Variants in SLCO3A1 observed in about 807,000 individuals in gnomAD.
SLCO3A1 encodes PGE1 transporter.
Under a neutral mutation model 63.1 loss-of-function variants are expected in SLCO3A1, and 27 were observed. That is an observed-to-expected ratio of 0.43 (90% CI 0.32 to 0.59). The LOEUF is 0.59. Ranked by LOEUF, SLCO3A1 falls within the 20% of genes least tolerant of loss-of-function variation. The pLI is 0.09. For synonymous variants in SLCO3A1, 473 were observed against 409.9 expected, an observed-to-expected ratio of 1.15 and a Z score of -1.86; for missense variants, 773 against 945.8, an observed-to-expected ratio of 0.82 and a Z score of 2.40.
At chr15:92,094,384 G>C (rs995943354) in intron 2 of SLCO3A1, among the ~76,000 whole-genome samples, 1 of 152,116 alleles carries the variant, frequency 6.6e-6, no homozygotes, top group Non-Finnish European at 1.5e-5. Context: ...GCTGAATTTC[G>C]GAGTCTTGAA....
rs976878470 is a variant in SLCO3A1, at chr15:91,950,263, T to A, written c.646+33805T>A. 6.6e-6 allele frequency among the ~76,000 whole-genome samples: 1 copy of A among 152,020 alleles called. No homozygotes were observed. The highest frequency in any genetic ancestry group is 1.5e-5 in the Non-Finnish European group (1 of 67,978). On this transcript the variant is annotated intron_variant, in intron 2 of 9. Coordinates refer to ENST00000318445, the MANE Select transcript of SLCO3A1 (RefSeq NM_013272.4). The surrounding 1 kb of genome is among the most constrained non-coding windows in gnomAD (Gnocchi z 4.4). ...CTGTGGCCAGAGATTCGGGTGTGTG[T>A]ATTGTGGAGGGGATTGCAGGGGGCT...
At chr15:92,123,162 C>G (rs2047883312) in intron 5 of SLCO3A1, among the ~76,000 whole-genome samples, 1 of 152,168 alleles carries the variant, frequency 6.6e-6, no homozygotes, top group Non-Finnish European at 1.5e-5. Context: ...TGGTGGCTCA[C>G]ACCTGTAATC....
At chr15:92,064,694 A>G (rs1408000094) in intron 2 of SLCO3A1, among the ~76,000 whole-genome samples, 2 of 151,708 alleles carry the variant, frequency 1.3e-5, no homozygotes, top group Non-Finnish European at 3.0e-5. Flanking sequence ...TTATTCAGCC[A>G]AAAAAAGGAA....
chr15:92,092,928 G>A (rs991571609), intron 2 of SLCO3A1, among the ~76,000 whole-genome samples: 22 of 152,146 alleles, frequency 1.4e-4, no homozygotes, highest in African/African-American at 5.3e-4. Flanking sequence ...TTTCTGGTTG[G>A]CCATGGAGTG....
At chr15:91,864,309 C>T (rs2141843852) in intron 1 of SLCO3A1, among the ~76,000 whole-genome samples, 1 of 152,220 alleles carries the variant, frequency 6.6e-6, no homozygotes, top group African/African-American at 2.4e-5. Flanking sequence ...AATGTGCAGC[C>T]CCACCCTCCG....
intron 2 of SLCO3A1, among the ~76,000 whole-genome samples, chr15:92,002,790 CTTAA>C (rs1451749017): frequency 6.6e-6 from 1 of 152,138 alleles, no homozygotes; most frequent in African/African-American, 2.4e-5. Context: ...ATTAAATAAA[CTTAA>C]TTAAAACATC....
At chr15:92,012,560 G>A (rs1165964807) in intron 2 of SLCO3A1, among the ~76,000 whole-genome samples, 2 of 152,062 alleles carry the variant, frequency 1.3e-5, no homozygotes, top group Non-Finnish European at 2.9e-5. Flanking sequence ...TCTAGAAATT[G>A]TTTTCCTTGG....
At chr15:92,149,040 A>G (rs1012921076) in intron 8 of SLCO3A1, 2 of 152,266 alleles carry the variant, frequency 1.3e-5, no homozygotes, top group African/African-American at 4.8e-5. Flanking sequence ...TGTGATATTC[A>G]TACACTAAAG....
chr15:92,107,526 A>T (rs1241804871), intron 4 of SLCO3A1, among the ~76,000 whole-genome samples: 2 of 152,222 alleles, frequency 1.3e-5, no homozygotes. Context: ...TGCTATATAC[A>T]TGCAGTGTGT....
At chr15:92,148,111 G>A (rs2048254084) in intron 8 of SLCO3A1, among the ~76,000 whole-genome samples, 1 of 152,238 alleles carries the variant, frequency 6.6e-6, no homozygotes, top group Non-Finnish European at 1.5e-5. Context: ...GGGAGGCTGA[G>A]GCAGGAGAAT....
intron 2 of SLCO3A1, among the ~76,000 whole-genome samples, chr15:92,035,401 G>GATCTGTTTAA (rs1233203010): frequency 6.6e-6 from 1 of 151,806 alleles, no homozygotes; most frequent in Middle Eastern, 3.2e-3. Context: ...CAGAAACCCA[G>GATCTGTTTAA]ATCTGTTTAA....
downstream of SLCO3A1, among the ~76,000 whole-genome samples, chr15:92,168,573 C>G (rs1026581732): frequency 2.6e-5 from 4 of 152,166 alleles, no homozygotes; most frequent in Admixed American, 1.3e-4. Context: ...AGGTCTCAAG[C>G]AGCACTGCAT....
intron 2 of SLCO3A1, among the ~76,000 whole-genome samples, chr15:92,032,504 G>A (rs1052201387): frequency 1.1e-4 from 17 of 152,190 alleles, no homozygotes; most frequent in African/African-American, 3.6e-4. Context: ...TGGTGAGGGT[G>A]TGTATGGTCG....
chr15:91,926,596 T>TGTGTGTGTGTGA, intron 2 of SLCO3A1, among the ~76,000 whole-genome samples: 4 of 105,316 alleles, frequency 3.8e-5, no homozygotes, highest in Non-Finnish European at 8.4e-5. Flanking sequence ...TGTGTGTGTG[T>TGTGTGTGTGTGA]GCGCGCGCGC....
At chr15:91,969,796 C>A (rs1900791466) in intron 2 of SLCO3A1, among the ~76,000 whole-genome samples, 1 of 152,172 alleles carries the variant, frequency 6.6e-6, no homozygotes, top group Non-Finnish European at 1.5e-5. Context: ...TGGAAGAGAT[C>A]TAGCTATGTC....
intron 2 of SLCO3A1, among the ~76,000 whole-genome samples, chr15:91,919,590 G>A (rs916160606): frequency 6.6e-6 from 1 of 152,298 alleles, no homozygotes; most frequent in South Asian, 2.1e-4. Context: ...CCATTCTTTG[G>A]GAGTCTAGTC....
Position 92,029,897 on chromosome 15 carries a change from GT to G in SLCO3A1, c.647-64983del, listed in dbSNP as rs147902253. 6.8e-4 allele frequency among the ~76,000 whole-genome samples: 103 copies of G among 152,072 alleles called. No homozygotes were observed. In the East Asian group the frequency reaches 0.018, roughly 26 times the overall value. ...TCAATCAGGCACCTTCTTGGCTCAG[GT>G]GAAGAGTCTGTGAACCAAAAGGCCA... On this transcript the variant is annotated intron_variant, in intron 2 of 9. Coordinates refer to ENST00000318445, the MANE Select transcript of SLCO3A1 (RefSeq NM_013272.4).
At chr15:91,889,763 T>C (rs1232016992) in intron 1 of SLCO3A1, among the ~76,000 whole-genome samples, 1 of 152,240 alleles carries the variant, frequency 6.6e-6, no homozygotes, top group Non-Finnish European at 1.5e-5. Flanking sequence ...TCTTTTTCCA[T>C]AGGTTGTTTG....
chr15:91,927,282 T>G (rs1025415681), intron 2 of SLCO3A1, among the ~76,000 whole-genome samples: 4 of 151,792 alleles, frequency 2.6e-5, no homozygotes, highest in African/African-American at 9.7e-5. Context: ...GATGCACAGA[T>G]AGGAAAATCA....
Sources: gnomAD v4.1 joint callset for allele counts (sites outside exome capture counted in the v4.1 genomes callset) on GRCh38, gnomAD v4.1.1 for gene constraint, Gnocchi (gnomAD v3.1) non-coding constraint, MANE v1.5 for transcripts, NCBI Gene and HGNC (gene_info 2026-07-23, HGNC 2026-07-21) for gene names.